FMN2: variants seen among roughly 807,000 people sequenced by gnomAD.
The protein encoded by FMN2 is formin 2.
In FMN2, 51 loss-of-function variants were observed where a neutral mutation model predicts 142.3. The ratio of observed to expected loss-of-function variants is 0.36; its 90% CI spans 0.29 to 0.45. The LOEUF is 0.45. Among genes scored for constraint, FMN2 ranks in the 20% least tolerant of loss-of-function variants. The pLI is 1.00. For synonymous variants in FMN2, 882 were observed against 869.8 expected (o/e 1.01, Z -0.25); for missense variants, 1,936 against 2,122.8 (o/e 0.91, Z 1.73).
intron 8 of FMN2, among the ~76,000 whole-genome samples, chr1:240,296,438 C>CTTTTTTTTTTTTTTTTTTTTTTT (rs772711130): frequency 4.3e-5 from 2 of 46,910 alleles, no homozygotes; most frequent in Non-Finnish European, 7.2e-5. Context: ...TCTTTGAGTG[C>CTTTTTTTTTTTTTTTTTTTTTTT]TTTTTTTTTT....
chr1:240,167,659 T>C (rs1650062716), intron 2 of FMN2, among the ~76,000 whole-genome samples: 1 of 152,204 alleles, frequency 6.6e-6, no homozygotes, highest in South Asian at 2.1e-4. Flanking sequence ...GTTATAGTGC[T>C]GTGTGAAGAT....
intron 16 of FMN2, among the ~76,000 whole-genome samples, chr1:240,454,517 C>T (rs1676173368): frequency 6.6e-6 from 1 of 152,064 alleles, no homozygotes. Flanking sequence ...ACTTCAGCCT[C>T]GGTGATGGAG....
intron 7 of FMN2, among the ~76,000 whole-genome samples, chr1:240,286,370 G>A (rs1486008383): frequency 2.0e-5 from 3 of 152,170 alleles, no homozygotes; most frequent in Non-Finnish European, 4.4e-5. Context: ...AGTTGGGAAG[G>A]ACTTTTTCAG....
chr1:240,200,257 G>A (rs563143072), intron 4 of FMN2, among the ~76,000 whole-genome samples: 6 of 152,216 alleles, frequency 3.9e-5, no homozygotes, highest in Admixed American at 3.9e-4. Flanking sequence ...TAGGGTGTTT[G>A]CTTAAATGGC....
At chr1:240,187,311 CA>C (rs1665518451) in intron 3 of FMN2, among the ~76,000 whole-genome samples, 1 of 148,446 alleles carries the variant, frequency 6.7e-6, no homozygotes, top group Non-Finnish European at 1.5e-5. Flanking sequence ...AAAACAAAAC[CA>C]AAAACAGTGA....
intron 16 of FMN2, among the ~76,000 whole-genome samples, chr1:240,452,165 TG>T (rs1268567589): frequency 6.6e-6 from 1 of 152,106 alleles, no homozygotes; most frequent in Non-Finnish European, 1.5e-5. Flanking sequence ...CACTCCAGCC[TG>T]GGCGACAGAG....
At chr1:240,427,498 C>T (rs902818645) in intron 15 of FMN2, among the ~76,000 whole-genome samples, 1 of 152,204 alleles carries the variant, frequency 6.6e-6, no homozygotes, top group Admixed American at 6.5e-5. Context: ...AGCCACCGCA[C>T]CTGGCCACAA....
intron 13 of FMN2, among the ~76,000 whole-genome samples, chr1:240,351,429 T>C (rs1672093447): frequency 6.6e-6 from 1 of 152,130 alleles, no homozygotes. Context: ...TGCCAGTAAA[T>C]GACTTTACAG....
intron 15 of FMN2, among the ~76,000 whole-genome samples, chr1:240,414,992 A>T: frequency 6.6e-6 from 1 of 152,216 alleles, no homozygotes; most frequent in Non-Finnish European, 1.5e-5. Context: ...TAGAAATGCC[A>T]TCATCTCCCC....
At chr1:240,331,835 C>T (rs940691484) in intron 11 of FMN2, among the ~76,000 whole-genome samples, 1 of 152,128 alleles carries the variant, frequency 6.6e-6, no homozygotes, top group African/African-American at 2.4e-5. Context: ...TTGGGCAAAT[C>T]ATCTAACACA....
intron 15 of FMN2, among the ~76,000 whole-genome samples, chr1:240,427,397 G>A (rs1674993816): frequency 6.6e-6 from 1 of 151,804 alleles, no homozygotes; most frequent in African/African-American, 2.4e-5. Context: ...AGTAGAGACG[G>A]GGTTTCACCG....
intron 3 of FMN2, among the ~76,000 whole-genome samples, chr1:240,180,865 G>T (rs1054034159): frequency 1.3e-5 from 2 of 148,648 alleles, no homozygotes; most frequent in South Asian, 2.2e-4. Context: ...CTGTGCCCGG[G>T]TGACCCCTTT....
At chr1:240,138,086 A>T (rs964189279) in intron 2 of FMN2, among the ~76,000 whole-genome samples, 4 of 150,440 alleles carry the variant, frequency 2.7e-5, no homozygotes, top group South Asian at 4.2e-4. Flanking sequence ...AAAAAAAAAA[A>T]GTAAAAAGAA....
intron 14 of FMN2, among the ~76,000 whole-genome samples, chr1:240,374,526 A>T (rs1259039020): frequency 6.6e-6 from 1 of 152,094 alleles, no homozygotes; most frequent in Non-Finnish European, 1.5e-5. Context: ...TTGCACTTTT[A>T]TGCTATGGAG....
At chr1:240,453,514 A>T (rs1431737266) in intron 16 of FMN2, among the ~76,000 whole-genome samples, 2 of 152,160 alleles carry the variant, frequency 1.3e-5, no homozygotes, top group Non-Finnish European at 2.9e-5. Flanking sequence ...GACTATTAAA[A>T]TTAGTACCAA....
At chr1:240,151,479 G>A (rs2168559) in intron 2 of FMN2, among the ~76,000 whole-genome samples, 150,344 of 152,054 alleles carry the variant, frequency 0.99, 74,329 homozygotes, top group East Asian at 1. Context: ...GCTTTCCTGG[G>A]GCGAATTGTT....
intron 13 of FMN2, among the ~76,000 whole-genome samples, chr1:240,340,386 G>A (rs992527989): frequency 1.1e-4 from 17 of 152,012 alleles, no homozygotes; most frequent in African/African-American, 3.6e-4. Context: ...TTCAAGACCA[G>A]CCTGACCAAC....
At chr1:240,183,780 T>A (rs1034028180) in intron 3 of FMN2, among the ~76,000 whole-genome samples, 1 of 152,118 alleles carries the variant, frequency 6.6e-6, no homozygotes, top group African/African-American at 2.4e-5. Context: ...TATATCAGAA[T>A]TAAAAACATC....
At chr1:240,395,018 G>A (rs1673728683) in intron 15 of FMN2, among the ~76,000 whole-genome samples, 1 of 152,086 alleles carries the variant, frequency 6.6e-6, no homozygotes, top group Admixed American at 6.6e-5. Flanking sequence ...TCAGAAAACA[G>A]GATGACTGTC....
Sources: gnomAD v4.1 joint callset for allele counts (sites outside exome capture counted in the v4.1 genomes callset) on GRCh38, gnomAD v4.1.1 for gene constraint, MANE v1.5 for transcripts, NCBI Gene and HGNC (gene_info 2026-07-23, HGNC 2026-07-21) for gene names.